Variants in RPTOR observed in about 807,000 individuals in gnomAD.
The protein encoded by RPTOR is regulatory associated protein of MTOR complex 1.
In RPTOR, 21 loss-of-function variants were observed where a neutral mutation model predicts 169.9. That is an observed-to-expected ratio of 0.12 (90% confidence interval 0.09 to 0.18). RPTOR has a LOEUF of 0.18. Ranked by LOEUF, RPTOR falls within the 10% of genes least tolerant of loss-of-function variation. The probability of loss-of-function intolerance (pLI) is 1.00; values close to 1 mark genes in which losing one functional copy is unlikely to be tolerated. For synonymous variants in RPTOR, 732 were observed against 753.2 expected, an observed-to-expected ratio of 0.97 and a Z score of 0.46; for missense variants, 1,133 against 1,855.9, an observed-to-expected ratio of 0.61 and a Z score of 7.16.
chr17:80,678,963 A>G (rs2065879046), intron 3 of RPTOR, among the ~76,000 whole-genome samples: 1 of 152,260 alleles, frequency 6.6e-6, no homozygotes, highest in African/African-American at 2.4e-5. Flanking sequence ...TTATTCCAAC[A>G]GTGGCTTCGT....
At chr17:80,727,245 C>T (rs931226888) in intron 4 of RPTOR, among the ~76,000 whole-genome samples, 35 of 150,836 alleles carry the variant, frequency 2.3e-4, no homozygotes, top group African/African-American at 8.1e-4. Flanking sequence ...AGAACGTGGA[C>T]GCTGCACCTC....
intron 14 of RPTOR, among the ~76,000 whole-genome samples, chr17:80,881,167 T>C (rs1159004845): frequency 6.6e-6 from 1 of 152,332 alleles, no homozygotes; most frequent in East Asian, 1.9e-4. Context: ...TTACACAGTG[T>C]TCGGTGGCTT....
At chr17:80,724,904 G>A (rs535165187) in intron 4 of RPTOR, among the ~76,000 whole-genome samples, 3 of 152,208 alleles carry the variant, frequency 2.0e-5, no homozygotes, top group Non-Finnish European at 4.4e-5. Flanking sequence ...CCACTGGGAT[G>A]CAAACTTGCT....
At chr17:80,692,912 T>C (rs2066004756) in intron 3 of RPTOR, among the ~76,000 whole-genome samples, 1 of 152,230 alleles carries the variant, frequency 6.6e-6, no homozygotes, top group East Asian at 1.9e-4. Context: ...CTTCTGTAGG[T>C]CACCACTGAA....
chr17:80,700,517 ATGGTGGTGGTGGTGGTGG>A (rs1240666302), intron 3 of RPTOR, among the ~76,000 whole-genome samples: 1 of 83,498 alleles, frequency 1.2e-5, no homozygotes, highest in African/African-American at 5.2e-5. Context: ...GGTGATGGTG[ATGGTGGTGGTGGTGGTGG>A]TGATGATGAT....
chr17:80,658,391 C>G (rs959491824), intron 3 of RPTOR, among the ~76,000 whole-genome samples: 2 of 151,974 alleles, frequency 1.3e-5, no homozygotes, highest in African/African-American at 4.8e-5. Context: ...TCTATGTCAA[C>G]TTTTTTTTAA....
At chr17:80,798,902 T>C (rs2067128076) in intron 7 of RPTOR, among the ~76,000 whole-genome samples, 1 of 152,232 alleles carries the variant, frequency 6.6e-6, no homozygotes, top group Non-Finnish European at 1.5e-5. Context: ...CCCGTGTCCC[T>C]ACACACCATG....
At chr17:80,578,036 C>T (rs1357035851) in intron 1 of RPTOR, among the ~76,000 whole-genome samples, 2 of 152,184 alleles carry the variant, frequency 1.3e-5, no homozygotes, top group Non-Finnish European at 2.9e-5. Flanking sequence ...GAGATAGCCT[C>T]TCTGCTCATG....
At chr17:80,840,691 C>T (rs1387502573) in intron 10 of RPTOR, among the ~76,000 whole-genome samples, 2 of 128,778 alleles carry the variant, frequency 1.6e-5, no homozygotes, top group East Asian at 2.5e-4. Context: ...CGGCAGCTCA[C>T]TCTCACCACA....
rs2069272824 is a variant in RPTOR at position 80,957,814 on chromosome 17, G to A, written c.3477+84G>A. ...TCCTCGTCACAGAACCCAGCAAAGTGTGCGGTGAGGCCTGGCCATCCCAGG... is the reference window on the plus strand; with the variant it reads ...TCCTCGTCACAGAACCCAGCAAAGTATGCGGTGAGGCCTGGCCATCCCAGG... On this transcript the variant is annotated intron_variant, in intron 29 of 33. Coordinates refer to ENST00000306801, the MANE Select transcript of RPTOR (RefSeq NM_020761.3). The surrounding 1 kb of genome is among the most constrained non-coding windows in gnomAD (Gnocchi z 4.6). The A allele has an allele frequency of 7.9e-7, 1 of 1,266,966 alleles. No individual in the cohort carries two copies. Among genetic ancestry groups the A allele is most frequent in the Admixed American group, 1.7e-5 (1 of 57,154 alleles). The allele number at this position is 1,266,966 out of a possible 1,614,324, so 78.5% of individuals were successfully genotyped here. A position where few individuals can be genotyped will look rare whatever the true frequency, so the allele number is the denominator to read the frequency against.
intron 5 of RPTOR, among the ~76,000 whole-genome samples, chr17:80,742,546 A>G (rs887285183): frequency 1.3e-5 from 2 of 151,400 alleles, no homozygotes; most frequent in African/African-American, 2.4e-5. Flanking sequence ...ACGTATACTC[A>G]CCTACATTTA....
At chr17:80,922,654 C>G in intron 21 of RPTOR, 70 bp from the exon 22 acceptor site, 1 of 1,295,204 alleles carries the variant, frequency 7.7e-7, no homozygotes, top group Non-Finnish European at 1.1e-6. Context: ...ACGCCAGCCT[C>G]TGCTTCGTGT....
rs1175067964 is a variant in RPTOR at position 80,845,068 on chromosome 17, G to A, written c.1213-1405G>A. Among the ~76,000 whole-genome samples the A allele has an allele frequency of 2.0e-5, 3 of 151,722 alleles. No individual in the cohort carries two copies. The highest frequency in any genetic ancestry group is 4.9e-5 in the African/African-American group (2 of 41,206). ...AAGTGACTCTCCGTGGAGGGAATCA[G>A]GCCGGACTGCTCCTGCCTGGCCGCT... On this transcript the variant is annotated intron_variant, in intron 10 of 33. Transcript: ENST00000306801. The surrounding 1 kb of genome is among the most constrained non-coding windows in gnomAD (Gnocchi z 5.4).
chr17:80,917,322 C>T (rs185764746), intron 21 of RPTOR, among the ~76,000 whole-genome samples: 2 of 152,196 alleles, frequency 1.3e-5, no homozygotes, highest in East Asian at 3.9e-4. Flanking sequence ...CATTGTTGGC[C>T]AGGCTGGTCT....
intron 1 of RPTOR, among the ~76,000 whole-genome samples, chr17:80,601,244 T>C (rs2065183824): frequency 6.6e-6 from 1 of 152,290 alleles, no homozygotes; most frequent in Non-Finnish European, 1.5e-5. Flanking sequence ...CCTTTGCATC[T>C]TGCCTGCTGA....
rs1456733339 is a variant in RPTOR, at chr17:80,678,526, T to C, written c.349-29315T>C. On this transcript the variant is annotated intron_variant, in intron 3 of 33. Transcript: ENST00000306801. Reference sequence around the variant, plus strand: ...TTATGTAAGACCTAATGGTCGGGCATGTTGGGTTAAGGCCATGTGTACTAG... The same window carrying C: ...TTATGTAAGACCTAATGGTCGGGCACGTTGGGTTAAGGCCATGTGTACTAG... Among the ~76,000 whole-genome samples the C allele has an allele frequency of 5.9e-5, 9 of 152,270 alleles. No individual in the cohort carries two copies. The East Asian group carries it at 1.7e-3, about 29-fold the overall frequency.
At chr17:80,703,487 A>G (rs2066118518) in intron 3 of RPTOR, among the ~76,000 whole-genome samples, 1 of 152,092 alleles carries the variant, frequency 6.6e-6, no homozygotes, top group African/African-American at 2.4e-5. Flanking sequence ...CAGGTGGCTC[A>G]CTTCCCCTGG....
chr17:80,829,265 C>G (rs2143642921), intron 9 of RPTOR, among the ~76,000 whole-genome samples: 1 of 152,244 alleles, frequency 6.6e-6, no homozygotes, highest in Admixed American at 6.5e-5. Context: ...GTAGAGTGGC[C>G]TAAGAGGCAG....
At chr17:80,778,028 A>G (rs936960007) in intron 6 of RPTOR, among the ~76,000 whole-genome samples, 1 of 152,214 alleles carries the variant, frequency 6.6e-6, no homozygotes, top group African/African-American at 2.4e-5. Flanking sequence ...GGGAAAAGAC[A>G]AAACCTAAGG....
Sources: gnomAD v4.1 joint callset for allele counts (sites outside exome capture counted in the v4.1 genomes callset) on GRCh38, gnomAD v4.1.1 for gene constraint, Gnocchi (gnomAD v3.1) non-coding constraint, MANE v1.5 for transcripts, NCBI Gene and HGNC (gene_info 2026-07-23, HGNC 2026-07-21) for gene names.